PCDHGB5: variants seen among roughly 807,000 people sequenced by gnomAD.
The protein encoded by PCDHGB5 is protocadherin gamma-B5.
PCDHGB5 carries 48 observed loss-of-function variants against 62.9 expected under a neutral mutation model. That is an observed-to-expected ratio of 0.76 (90% CI 0.61 to 0.97). PCDHGB5 has a LOEUF of 0.97. Ranked by LOEUF, PCDHGB5 falls within the 50% of genes least tolerant of loss-of-function variation. The probability of loss-of-function intolerance (pLI) is 0.00; values close to 1 mark genes in which losing one functional copy is unlikely to be tolerated. For synonymous variants in PCDHGB5, 474 were observed against 511.2 expected (o/e 0.93, Z 0.98); for missense variants, 1,118 against 1,198.6 (o/e 0.93, Z 0.99).
chr5:141,400,591 C>A, intron 1 of PCDHGB5, 67 bp downstream of exon 1: 1 of 1,602,976 alleles, frequency 6.2e-7, no homozygotes, highest in Non-Finnish European at 8.5e-7. Flanking sequence ...ATGAAACTAT[C>A]GTACATTTTC....
rs901692894 is a variant in PCDHGB5, at chr5:141,398,344, C to G, written c.217C>G (p.Pro73Ala). 1 of 1,372,066 alleles carries G rather than the reference C, an allele frequency of 7.3e-7. No individual in the cohort carries two copies. Among genetic ancestry groups the G allele is most frequent in the African/African-American group, 1.5e-5 (1 of 68,482 alleles). The allele number at this position is 1,372,066 out of a possible 1,614,324, so 85.0% of individuals were successfully genotyped here. A position where few individuals can be genotyped will look rare whatever the true frequency, so the allele number is the denominator to read the frequency against. The change falls in exon 1 of 4, where the codon CCT becomes GCT. Residue 73 changes from proline (P) to alanine (A), a missense_variant. Pro to Ala is a conservative substitution (Grantham distance 27). Transcript: ENST00000617380. ...AAAACTGCGCGTCAGTTCGGAGAAG[C>G]CTTACTTCACCGTGAGCGCAGAGAG... ...TRKLRVSSEK[P>A]YFTVSAESGE...
intron 1 of PCDHGB5, chr5:141,419,926 G>T: frequency 6.2e-7 from 1 of 1,614,096 alleles, no homozygotes; most frequent in South Asian, 1.1e-5. Flanking sequence ...CTGAGATGCA[G>T]TTTTACCTGG....
At chr5:141,434,462 C>T (rs2097695951) in intron 1 of PCDHGB5, among the ~76,000 whole-genome samples, 1 of 152,156 alleles carries the variant, frequency 6.6e-6, no homozygotes, top group Non-Finnish European at 1.5e-5. Flanking sequence ...GTGGGTTTAC[C>T]GGAATGAGGG....
intron 1 of PCDHGB5, chr5:141,430,707 CT>C: frequency 6.8e-7 from 1 of 1,478,562 alleles, no homozygotes; most frequent in Non-Finnish European, 9.0e-7. Context: ...GGAACTGCTC[CT>C]GACTTCAGTG....
intron 3 of PCDHGB5, chr5:141,508,179 AG>A (rs1250335236): frequency 1.3e-5 from 2 of 152,326 alleles, no homozygotes; most frequent in Non-Finnish European, 2.9e-5. Flanking sequence ...ACAGGAGAGA[AG>A]GCATCACCCC....
intron 1 of PCDHGB5, chr5:141,418,485 A>T: frequency 6.2e-7 from 1 of 1,614,028 alleles, no homozygotes; most frequent in Non-Finnish European, 8.5e-7. Flanking sequence ...AGCGCTCACC[A>T]CTTGGTACTG....
chr5:141,427,099 A>G (rs989437547), intron 1 of PCDHGB5: 3 of 457,936 alleles, frequency 6.6e-6, no homozygotes, highest in African/African-American at 6.0e-5. Context: ...GAGGGTGTCA[A>G]TGCGGAGATC....
Position 141,490,318 on chromosome 5 carries a change from C to T in PCDHGB5, c.2398-4489C>T. ...ATTGGCCTCTTTGGCCAACCCTGTCCTAGAGAGCACACCAGTGGGCACAGT... is the reference window on the plus strand; with the variant it reads ...ATTGGCCTCTTTGGCCAACCCTGTCTTAGAGAGCACACCAGTGGGCACAGT... On this transcript the variant is annotated intron_variant, in intron 1 of 3. Transcript: ENST00000617380. The surrounding 1 kb of genome is among the most constrained non-coding windows in gnomAD (Gnocchi z 5.4). 1 of 1,614,220 alleles carries T rather than the reference C, an allele frequency of 6.2e-7. No homozygotes were observed.
Position 141,399,628 on chromosome 5 carries a change from G to A in PCDHGB5, c.1501G>A (p.Val501Met), listed in dbSNP as rs775633916. The A allele has an allele frequency of 1.4e-5, 23 of 1,613,772 alleles. No individual in the cohort carries two copies. The highest frequency in any genetic ancestry group is 2.2e-5 in the South Asian group (2 of 91,092). The stretch of plus-strand genomic sequence containing the variant: ...AGAGCCTCTGGCACTGGCCTCTTAC[G>A]TGTCCATGAGCGCGCAAAGTGGGGT... Reference protein sequence around the residue: ...DLEPLALASYVSMSAQSGVVF... With the variant: ...DLEPLALASYMSMSAQSGVVF... The change falls in exon 1 of 4, where the codon GTG becomes ATG. Residue 501 changes from valine to methionine, a missense_variant. Val to Met is a conservative substitution (Grantham distance 21, BLOSUM62 1). Transcript: ENST00000617380.
At chr5:141,459,806 A>G (rs2154566682) in intron 1 of PCDHGB5, among the ~76,000 whole-genome samples, 1 of 152,342 alleles carries the variant, frequency 6.6e-6, no homozygotes, top group African/African-American at 2.4e-5. Flanking sequence ...CCTGTTGACT[A>G]GAGACACTGA....
intron 3 of PCDHGB5, among the ~76,000 whole-genome samples, chr5:141,510,048 G>GTGAT (rs1392197406): frequency 1.3e-5 from 2 of 152,192 alleles, no homozygotes; most frequent in Non-Finnish European, 2.9e-5. Context: ...GAGGTTAAAA[G>GTGAT]TGATTGTGCA....
chr5:141,481,733 C>A (rs2099543522), intron 1 of PCDHGB5, among the ~76,000 whole-genome samples: 1 of 152,078 alleles, frequency 6.6e-6, no homozygotes, highest in Admixed American at 6.6e-5. Context: ...GCGGGCGGAT[C>A]ACGAGGTCAG....
At chr5:141,501,333 A>ACC (rs1554187333) in intron 2 of PCDHGB5, among the ~76,000 whole-genome samples, 192 of 140,118 alleles carry the variant, frequency 1.4e-3, no homozygotes, top group Admixed American at 5.6e-3. Flanking sequence ...ACACACACAC[A>ACC]CCCCAAACTC....
At chr5:141,413,195 G>T (rs771456948) in intron 1 of PCDHGB5, 1 of 1,610,846 alleles carries the variant, frequency 6.2e-7, no homozygotes, top group South Asian at 1.1e-5. Context: ...CAAAGGAATC[G>T]CTCAAAGGAA....
In PCDHGB5 at chr5:141,462,551, G is replaced by C. The variant is rs57555347; in HGVS notation, c.2398-32256G>C. 8.3e-3 allele frequency among the ~76,000 whole-genome samples: 1,259 copies of C among 151,854 alleles called. 17 individuals carry two copies. The highest frequency in any genetic ancestry group is 0.029 in the African/African-American group (1,196 of 41,422). ...TTGTTCAGTGATCTTTTCTTCTTCA[G>C]TGTTTACTGTATTTGCTAATCCCAT... On this transcript the variant is annotated intron_variant, in intron 1 of 3. Transcript: ENST00000617380.
chr5:141,427,974 G>T, intron 1 of PCDHGB5: 1 of 1,594,576 alleles, frequency 6.3e-7, no homozygotes, highest in South Asian at 1.1e-5. Flanking sequence ...GCTGTACCCC[G>T]CGCTGGGGCC....
Position 141,432,694 on chromosome 5 carries a change from C to A in PCDHGB5, c.2397+32170C>A. 1 of 1,613,936 alleles carries A rather than the reference C, an allele frequency of 6.2e-7. No homozygotes were observed. The highest frequency in any genetic ancestry group is 8.5e-7 in the Non-Finnish European group (1 of 1,179,964). On this transcript the variant is annotated intron_variant, in intron 1 of 3. Transcript: ENST00000617380. This position sits in a 1 kb window ranked among gnomAD's most constrained non-coding sequence, Gnocchi z 6.0. Reference sequence around the variant, plus strand: ...CGCTCAAGCAGAGCCTCGTAGTGGCCGTCCAGGACCACGGCCAGCCCCCTC... The same window carrying A: ...CGCTCAAGCAGAGCCTCGTAGTGGCAGTCCAGGACCACGGCCAGCCCCCTC...
In PCDHGB5 at chr5:141,399,804, G is replaced by A. The variant is rs1191609127; in HGVS notation, c.1677G>A (p.Leu559=). Residue 559 remains leucine (L), a synonymous_variant, in exon 1 of 4, where the codon CTG becomes CTA. Transcript: ENST00000617380. ...GAAACGACAACGCACCGCGGGTGCT[G>A]TACCCCGCGCTGGGTCCCGACGGCT... ...GDRNDNAPRV[L]YPALGPDGSA... The A allele has an allele frequency of 2.5e-6, 4 of 1,613,224 alleles. No individual in the cohort carries two copies. The highest frequency in any genetic ancestry group is 2.2e-5 in the East Asian group (1 of 44,872).
At position 141,412,100 on chromosome 5, in the gene PCDHGB5, C is replaced by T. The variant is rs1041242156; in HGVS notation, c.2397+11576C>T. On this transcript the variant is annotated intron_variant, in intron 1 of 3. Coordinates refer to ENST00000617380, the MANE Select transcript of PCDHGB5 (RefSeq NM_018925.3). ...TTGCTACTGGGTTGATGGGCACACA[C>T]AGTTGAAGATATGTGAACCACTGGA... The T allele has an allele frequency of 2.0e-5, 3 of 152,180 alleles. No homozygotes were observed. In the South Asian group the frequency reaches 6.2e-4, roughly 31 times the overall value. 9.4% of individuals were successfully genotyped at this position (152,180 alleles called of 1,614,324 possible).
Sources: gnomAD v4.1 joint callset for allele counts (sites outside exome capture counted in the v4.1 genomes callset) on GRCh38, gnomAD v4.1.1 for gene constraint, Gnocchi (gnomAD v3.1) non-coding constraint, MANE v1.5 for transcripts, NCBI Gene and HGNC (gene_info 2026-07-23, HGNC 2026-07-21) for gene names.